NOMO3: variants seen among roughly 807,000 people sequenced by gnomAD.
The protein encoded by NOMO3 is NODAL modulator 3.
NOMO3 carries 15 observed loss-of-function variants against 69.9 expected under a neutral mutation model. That is an observed-to-expected ratio of 0.21 (90% CI 0.14 to 0.33). NOMO3 has a LOEUF of 0.33. Ranked by LOEUF, NOMO3 falls within the 10% of genes least tolerant of loss-of-function variation. NOMO3 has a pLI of 1.00. For missense variants in NOMO3, 218 were observed against 761.0 expected (o/e 0.29, Z 8.39); for synonymous variants, 89 against 301.9 (o/e 0.29, Z 7.31).
intron 14 of NOMO3, among the ~76,000 whole-genome samples, chr16:16,264,797 G>A (rs1370999988): frequency 1.5e-5 from 2 of 136,760 alleles, no homozygotes; most frequent in Non-Finnish European, 3.1e-5. Context: ...ATCCACTGCC[G>A]TCGGCCTCCC....
In NOMO3 at chr16:16,258,779, C is replaced by T. The variant is rs1229653824; in HGVS notation, c.1220+2621C>T. Reference sequence around the variant, plus strand: ...ACTCAGGAGGCTGAGGCAGGAGAATCGCTTGAACCCGAGAGGCAGGGGTTG... The same window carrying T: ...ACTCAGGAGGCTGAGGCAGGAGAATTGCTTGAACCCGAGAGGCAGGGGTTG... On this transcript the variant is annotated intron_variant, in intron 11 of 30. Transcript: ENST00000399336. 1.4e-5 allele frequency among the ~76,000 whole-genome samples: 2 copies of T among 141,998 alleles called. 1 individual carries two copies. The highest frequency in any genetic ancestry group is 3.0e-5 in the Non-Finnish European group (2 of 67,512). The allele number at this position is 141,998 out of a possible 152,430, so 93.2% of individuals were successfully genotyped here.
intron 16 of NOMO3, among the ~76,000 whole-genome samples, chr16:16,269,132 C>T (rs2049642526): frequency 6.9e-6 from 1 of 144,032 alleles, no homozygotes; most frequent in African/African-American, 2.8e-5. Flanking sequence ...GCCTTCTTAC[C>T]CATCAGTTCA....
intron 5 of NOMO3, among the ~76,000 whole-genome samples, chr16:16,245,615 C>T (rs1340424849): frequency 1.5e-5 from 2 of 133,750 alleles, no homozygotes; most frequent in Non-Finnish European, 3.1e-5. Flanking sequence ...TGCAGCTACT[C>T]GGGAGGCTGA....
At chr16:16,254,347 C>T (rs1379528380) in intron 9 of NOMO3, among the ~76,000 whole-genome samples, 1 of 143,006 alleles carries the variant, frequency 7.0e-6, no homozygotes, top group Non-Finnish European at 1.5e-5. Flanking sequence ...AGTAGGTGCC[C>T]AGCAAAAATA....
rs868007678 is a variant in NOMO3 at position 16,267,375 on chromosome 16, T to G, written c.1894+244T>G. ...CTCTTTATAGAGCTGTTTTAAAATT[T>G]GAATCATTTCCCACTTTGCTTAAAA... On this transcript the variant is annotated intron_variant, in intron 16 of 30. Coordinates refer to ENST00000399336, the MANE Select transcript of NOMO3 (RefSeq NM_001004067.4). 185 of 476,896 alleles carry G rather than the reference T, an allele frequency of 3.9e-4. 2 individuals carry two copies. The highest frequency in any genetic ancestry group is 5.2e-4 in the Non-Finnish European group (143 of 276,224). The allele number at this position is 476,896 out of a possible 1,614,324, so 29.5% of individuals were successfully genotyped here. A position where few individuals can be genotyped will look rare whatever the true frequency, so the allele number is the denominator to read the frequency against.
chr16:16,241,375 A>G (rs1326691907), intron 3 of NOMO3, among the ~76,000 whole-genome samples: 1 of 142,806 alleles, frequency 7.0e-6, no homozygotes, highest in Non-Finnish European at 1.5e-5. Flanking sequence ...TGATGCATAA[A>G]TATAAAATTA....
chr16:16,272,761 TCTGGGATCA>T (rs1300246967), intron 18 of NOMO3, among the ~76,000 whole-genome samples: 4 of 151,808 alleles, frequency 2.6e-5, no homozygotes, highest in Admixed American at 6.6e-5. Context: ...CTGACCCCCC[TCTGGGATCA>T]CTGCAGCAGC....
chr16:16,242,547 G>A (rs2049382435), intron 3 of NOMO3, among the ~76,000 whole-genome samples: 1 of 142,024 alleles, frequency 7.0e-6, no homozygotes, highest in Non-Finnish European at 1.5e-5. Context: ...AGGATGCTCC[G>A]CTCACTTCGA....
chr16:16,265,668 A>ATT (rs1462635090), intron 15 of NOMO3, among the ~76,000 whole-genome samples: 260 of 24,894 alleles, frequency 0.01, no homozygotes, highest in Non-Finnish European at 0.014. Context: ...ATATATATAT[A>ATT]TATTTTTTTT....
intron 6 of NOMO3, among the ~76,000 whole-genome samples, chr16:16,249,406 C>T (rs1290409798): frequency 7.0e-6 from 1 of 142,028 alleles, no homozygotes; most frequent in Non-Finnish European, 1.5e-5. Flanking sequence ...ATGGTGAAAC[C>T]GCATCTCTAC....
chr16:16,255,751 C>G lies in NOMO3; in HGVS notation c.995C>G (p.Thr332Ser), dbSNP rs1481491649. The G allele has an allele frequency of 7.6e-6, 12 of 1,587,524 alleles. No individual in the cohort carries two copies. Among genetic ancestry groups the G allele is most frequent in the Non-Finnish European group, 1.0e-5 (12 of 1,176,636 alleles). Residue 332 changes from threonine to serine, a missense_variant, in exon 10 of 31, where the codon ACC (threonine) becomes AGC (serine). Coordinates refer to ENST00000399336, the MANE Select transcript of NOMO3 (RefSeq NM_001004067.4). ...PVFHVMGFSV[T>S]GRVLNGPEGD... is the part of the protein sequence containing the mutation. ...TTCCACGTCATGGGATTCTCCGTCACCGGGAGGGTCTTGAACGGACCCGAA... is the reference window on the plus strand; with the variant it reads ...TTCCACGTCATGGGATTCTCCGTCAGCGGGAGGGTCTTGAACGGACCCGAA...
chr16:16,265,121 T>C lies in NOMO3; in HGVS notation c.1748T>C (p.Val583Ala). The change falls in exon 15 of 31, where the codon GTT becomes GCT. Residue 583 changes from valine to alanine, a missense_variant. Physicochemically the swap from Val to Ala is moderately conservative, Grantham distance 64. Transcript: ENST00000399336. ...VEVLEDDVSA[V>A]EFRQTGYMLR... ...GTGCTGGAGGATGACGTGTCTGCAG[T>C]TGAGTTCAGGCAGACGGGCTACATG... 6.3e-7 allele frequency: 1 copy of C among 1,582,714 alleles called. No individual in the cohort carries two copies. Among genetic ancestry groups the C allele is most frequent in the South Asian group, 1.1e-5 (1 of 89,074 alleles).
chr16:16,240,562 A>C (rs1323325327), intron 3 of NOMO3, among the ~76,000 whole-genome samples: 1 of 145,270 alleles, frequency 6.9e-6, no homozygotes, highest in Non-Finnish European at 1.5e-5. Flanking sequence ...AAAGCTCCAA[A>C]CTTTCCTCAT....
intron 3 of NOMO3, among the ~76,000 whole-genome samples, chr16:16,241,295 T>C (rs2049371920): frequency 7.0e-6 from 1 of 143,694 alleles, no homozygotes; most frequent in Non-Finnish European, 1.5e-5. Context: ...CCGGTTTCTT[T>C]CACTCAACAT....
At position 16,232,716 on chromosome 16, in the gene NOMO3, C is replaced by T. The variant is rs1399902681; in HGVS notation, c.50C>T (p.Ala17Val). Residue 17 changes from alanine (A) to valine (V), a missense_variant, in exon 1 of 31, where the codon GCC becomes GTC. Transcript: ENST00000399336. ...CCGCTGGGGCCCGCGGTGGTCACCG[C>T]CGCGGTGGTGCTGCTGCTGAGCGGC... ...AGPLGPAVVT[A>V]AVVLLLSGVG... 3 of 756,178 alleles carry T rather than the reference C, an allele frequency of 4.0e-6. No individual in the cohort carries two copies. Among genetic ancestry groups the T allele is most frequent in the Middle Eastern group, 4.3e-4 (1 of 2,304 alleles). 46.8% of individuals were successfully genotyped at this position (756,178 alleles called of 1,614,324 possible).
At chr16:16,252,897 G>A (rs1309108973) in intron 9 of NOMO3, among the ~76,000 whole-genome samples, 1 of 131,690 alleles carries the variant, frequency 7.6e-6, no homozygotes, top group African/African-American at 3.5e-5. Flanking sequence ...GCAGTGGTAC[G>A]ATCTCATCTC....
chr16:16,274,220 G>A lies in NOMO3; in HGVS notation c.2356+145G>A, dbSNP rs1054131426. On this transcript the variant is annotated intron_variant, in intron 20 of 30. Transcript: ENST00000399336. ...TCTCTGGCACACAGATGTTACTGTT[G>A]GTTGGATGGATGGATGGATGGATGG... 467 of 1,040,024 alleles carry A rather than the reference G, an allele frequency of 4.5e-4. 10 individuals are homozygous for A. Among genetic ancestry groups the A allele is most frequent in the South Asian group, 1.2e-3 (79 of 66,260 alleles). 64.4% of individuals were successfully genotyped at this position (1,040,024 alleles called of 1,614,324 possible). A position where few individuals can be genotyped will look rare whatever the true frequency, so the allele number is the denominator to read the frequency against.
In NOMO3 at chr16:16,249,698, T is replaced by C. The variant is rs1310568500; in HGVS notation, c.583-1230T>C. Among the ~76,000 whole-genome samples the C allele has an allele frequency of 4.2e-5, 6 of 144,280 alleles. No homozygotes were observed. The East Asian group carries it at 9.0e-4, about 22-fold the overall frequency. The allele number at this position is 144,280 out of a possible 152,430, so 94.7% of individuals were successfully genotyped here. A position where few individuals can be genotyped will look rare whatever the true frequency, so the allele number is the denominator to read the frequency against. On this transcript the variant is annotated intron_variant, in intron 6 of 30. Coordinates refer to ENST00000399336, the MANE Select transcript of NOMO3 (RefSeq NM_001004067.4). ...TCTGCATAGAAGAATCTGAGTTTAT[T>C]AATATGAGATTGGGATTTTCAAGTA... is the stretch of plus-strand genomic sequence containing the variant.
chr16:16,265,637 GATATATATATATATATATATAT>G (rs1160088009), intron 15 of NOMO3, among the ~76,000 whole-genome samples: 1 of 42,380 alleles, frequency 2.4e-5, no homozygotes, highest in Non-Finnish European at 3.5e-5. Context: ...GAGTTTCTCT[GATATATATATATATATATATAT>G]ATATATATAT....
Sources: gnomAD v4.1 joint callset for allele counts (sites outside exome capture counted in the v4.1 genomes callset) on GRCh38, gnomAD v4.1.1 for gene constraint, MANE v1.5 for transcripts, NCBI Gene and HGNC (gene_info 2026-07-23, HGNC 2026-07-21) for gene names.